The following RPAP2 variants were observed in gnomAD, a reference collection of about 807,000 sequenced individuals.
RPAP2 encodes the protein putative RNA polymerase II subunit B1 CTD phosphatase RPAP2.
A neutral mutation model predicts 73.1 loss-of-function variants in RPAP2; 52 were observed. The observed-to-expected ratio is 0.71, with a 90% CI of 0.57 to 0.90. RPAP2 has a LOEUF of 0.90. RPAP2 is among the 40% of genes least tolerant of loss of function. The pLI is 0.00. For synonymous variants in RPAP2, 225 were observed against 242.1 expected (o/e 0.93, Z 0.65); for missense variants, 598 against 701.8 (o/e 0.85, Z 1.67).
chr1:92,389,083 T>G lies in RPAP2; in HGVS notation c.*2072T>G, dbSNP rs991831994. On this transcript the variant is annotated 3_prime_UTR_variant, in exon 13 of 13. Transcript: ENST00000610020. Reference sequence around the variant, plus strand: ...AAGCTCCGATAATAGACAGACTGCCTCCTCAAGTGGGTCCCTGACCCCCGT... The same window carrying G: ...AAGCTCCGATAATAGACAGACTGCCGCCTCAAGTGGGTCCCTGACCCCCGT... The G allele has an allele frequency of 4.6e-5, 7 of 152,322 alleles. No homozygotes were observed. Among genetic ancestry groups the G allele is most frequent in the African/African-American group, 1.7e-4 (7 of 41,452 alleles). The allele number at this position is 152,322 out of a possible 1,614,324, so 9.4% of individuals were successfully genotyped here.
At chr1:92,384,596 C>T (rs1269868289) in intron 12 of RPAP2, among the ~76,000 whole-genome samples, 1 of 150,940 alleles carries the variant, frequency 6.6e-6, no homozygotes, top group Non-Finnish European at 1.5e-5. Context: ...TGCACTCCAG[C>T]CTGGGTGACA....
At chr1:92,318,840 G>A (rs1021534727) in intron 6 of RPAP2, among the ~76,000 whole-genome samples, 4 of 152,188 alleles carry the variant, frequency 2.6e-5, no homozygotes, top group African/African-American at 9.7e-5. Flanking sequence ...ATCTCAGTGA[G>A]AGCCATTTCA....
intron 11 of RPAP2, among the ~76,000 whole-genome samples, chr1:92,356,896 C>CCTAAAATACAACA (rs1654495144): frequency 6.6e-6 from 1 of 151,834 alleles, no homozygotes; most frequent in Non-Finnish European, 1.5e-5. Context: ...AAGTATGTCT[C>CCTAAAATACAACA]TCCTAAAAAT....
rs752239194 is a variant in RPAP2 at position 92,401,103 on chromosome 1, C to T, written c.*14092C>T. ...GCAGGGGAGAACCACCCCCATGATCCAATCACCTTCCACGAGGTCCCTCCC... is the reference window on the plus strand; with the variant it reads ...GCAGGGGAGAACCACCCCCATGATCTAATCACCTTCCACGAGGTCCCTCCC... On this transcript the variant is annotated 3_prime_UTR_variant, in exon 13 of 13. Coordinates refer to ENST00000610020, the MANE Select transcript of RPAP2 (RefSeq NM_024813.3). The T allele has an allele frequency of 6.6e-6, 1 of 152,178 alleles. No homozygotes were observed. The allele number at this position is 152,178 out of a possible 1,614,324, so 9.4% of individuals were successfully genotyped here.
chr1:92,325,950 C>G (rs1057212683), intron 8 of RPAP2, among the ~76,000 whole-genome samples: 8 of 152,004 alleles, frequency 5.3e-5, no homozygotes, highest in Non-Finnish European at 1.2e-4. Flanking sequence ...GACATTTAGA[C>G]TATTTCCAAT....
chr1:92,334,621 G>A (rs1458500868), intron 9 of RPAP2, among the ~76,000 whole-genome samples: 1 of 152,156 alleles, frequency 6.6e-6, no homozygotes, highest in Non-Finnish European at 1.5e-5. Context: ...GCTGAGGCAA[G>A]GGGATCACCT....
chr1:92,379,733 G>A (rs1369931664), intron 11 of RPAP2, among the ~76,000 whole-genome samples: 7 of 151,812 alleles, frequency 4.6e-5, no homozygotes, highest in Non-Finnish European at 7.4e-5. Context: ...TCAGGAGTTC[G>A]AGACCAGCCT....
chr1:92,351,880 C>T lies in RPAP2; in HGVS notation c.1688+5966C>T, dbSNP rs144771599. ...TAAAAGCTTTGTAAATAAGCCACTA[C>T]TTTGTATTCTGATGGTCTGTGGTCA... On this transcript the variant is annotated intron_variant, in intron 11 of 12. Coordinates refer to ENST00000610020, the MANE Select transcript of RPAP2 (RefSeq NM_024813.3). 2.7e-3 allele frequency among the ~76,000 whole-genome samples: 408 copies of T among 152,094 alleles called. 1 individual carries two copies. Among genetic ancestry groups the T allele is most frequent in the African/African-American group, 9.6e-3 (397 of 41,510 alleles).
At chr1:92,303,318 C>T (rs1650991185) in intron 3 of RPAP2, among the ~76,000 whole-genome samples, 2 of 152,150 alleles carry the variant, frequency 1.3e-5, no homozygotes, top group African/African-American at 4.8e-5. Context: ...ATAAAACTTA[C>T]ATCACTCTCA....
At position 92,324,408 on chromosome 1, in the gene RPAP2, C is replaced by T. The variant is rs143043289; in HGVS notation, c.1455+33C>T. 306 of 1,503,542 alleles carry T rather than the reference C, an allele frequency of 2.0e-4. 1 individual carries two copies. The African/African-American group carries it at 3.5e-3, about 17-fold the overall frequency. 93.1% of individuals were successfully genotyped at this position (1,503,542 alleles called of 1,614,324 possible). A position where few individuals can be genotyped will look rare whatever the true frequency, so the allele number is the denominator to read the frequency against. On this transcript the variant is annotated intron_variant, in intron 8 of 12. Coordinates refer to ENST00000610020, the MANE Select transcript of RPAP2 (RefSeq NM_024813.3). ...TTACAGACATTGAGTTTTTCCAGAT[C>T]GTTAACATTTGGAAAACTCACCACA...
chr1:92,299,699 A>T (rs562870857), intron 1 of RPAP2, among the ~76,000 whole-genome samples: 1 of 152,380 alleles, frequency 6.6e-6, no homozygotes, highest in South Asian at 2.1e-4. Context: ...AAAATTAGAC[A>T]GTAATCAATT....
In RPAP2 at chr1:92,344,016, C is replaced by A. The variant is rs561585367; in HGVS notation, c.1620-1830C>A. 3.9e-5 allele frequency among the ~76,000 whole-genome samples: 6 copies of A among 152,326 alleles called. No individual in the cohort carries two copies. In the South Asian group the frequency reaches 1.2e-3, roughly 32 times the overall value. On this transcript the variant is annotated intron_variant, in intron 10 of 12. Coordinates refer to ENST00000610020, the MANE Select transcript of RPAP2 (RefSeq NM_024813.3). ...ATTCTTCGTTCCTCCCCAGAAGCAA[C>A]TGCTACTGTGAAGTAGATGTGTATC...
intron 12 of RPAP2, among the ~76,000 whole-genome samples, chr1:92,383,796 G>A (rs4329555): frequency 1 from 151,579 of 152,064 alleles, 75,553 homozygotes; most frequent in Non-Finnish European, 1. Flanking sequence ...AACTTCCAAC[G>A]CTATGTTGAA....
chr1:92,371,366 G>A (rs1487531461), intron 11 of RPAP2, among the ~76,000 whole-genome samples: 85 of 118,274 alleles, frequency 7.2e-4, no homozygotes, highest in African/African-American at 2.7e-3. Context: ...CAATCCCACT[G>A]AAGGGTGGGT....
At chr1:92,386,700 T>G (rs1271012924) in intron 12 of RPAP2, among the ~76,000 whole-genome samples, 1 of 152,174 alleles carries the variant, frequency 6.6e-6, no homozygotes, top group Non-Finnish European at 1.5e-5. Context: ...TTTGTTGTTT[T>G]GTTTTTTGGG....
intron 2 of RPAP2, among the ~76,000 whole-genome samples, chr1:92,301,193 C>T (rs187400587): frequency 6.6e-6 from 1 of 152,240 alleles, no homozygotes; most frequent in East Asian, 1.9e-4. Flanking sequence ...CATTAGAAAA[C>T]AGAAATTTGG....
rs562188920 is a variant in RPAP2, at chr1:92,358,470, C to T, written c.1688+12556C>T. On this transcript the variant is annotated intron_variant, in intron 11 of 12. Transcript: ENST00000610020. Reference sequence around the variant, plus strand: ...TCTCTATACATAGGCCTTTACAACACTATATACTTTTCTTTCTTAGCACTT... The same window carrying T: ...TCTCTATACATAGGCCTTTACAACATTATATACTTTTCTTTCTTAGCACTT... Among the ~76,000 whole-genome samples the T allele has an allele frequency of 9.2e-5, 14 of 152,264 alleles. No homozygotes were observed. In the South Asian group the frequency reaches 2.3e-3, roughly 25 times the overall value.
chr1:92,304,592 T>C (rs1651075887), intron 5 of RPAP2, among the ~76,000 whole-genome samples: 1 of 152,202 alleles, frequency 6.6e-6, no homozygotes, highest in Non-Finnish European at 1.5e-5. Context: ...AAGTGCATAT[T>C]GGCACAAATC....
chr1:92,334,706 G>T (rs746137961), intron 9 of RPAP2, among the ~76,000 whole-genome samples: 12 of 151,948 alleles, frequency 7.9e-5, no homozygotes, highest in Non-Finnish European at 1.8e-4. Context: ...TAAAAATTCG[G>T]CCGAGTGCAG....
Sources: gnomAD v4.1 joint callset for allele counts (sites outside exome capture counted in the v4.1 genomes callset) on GRCh38, gnomAD v4.1.1 for gene constraint, MANE v1.5 for transcripts, NCBI Gene and HGNC (gene_info 2026-07-23, HGNC 2026-07-21) for gene names.